The following RCOR1 variants were observed in gnomAD, a reference collection of about 807,000 sequenced individuals.
RCOR1 encodes the protein REST corepressor.
In RCOR1, 12 loss-of-function variants were observed where a neutral mutation model predicts 64.0. That is an observed-to-expected ratio of 0.19 (90% CI 0.12 to 0.30). The LOEUF is 0.30. Among genes scored for constraint, RCOR1 ranks in the 10% least tolerant of loss-of-function variants. The pLI, the probability that RCOR1 is intolerant of heterozygous loss-of-function variation, is 1.00. For synonymous variants in RCOR1, 279 were observed against 227.2 expected (o/e 1.23, Z -2.05); for missense variants, 502 against 621.2 (o/e 0.81, Z 2.04).
In RCOR1 at chr14:102,609,789, G is replaced by A. The variant is rs80192924; in HGVS notation, c.361+16464G>A. Among the ~76,000 whole-genome samples, 653 of 151,860 alleles carry A rather than the reference G, an allele frequency of 4.3e-3. 1 individual carries two copies. The highest frequency in any genetic ancestry group is 7.2e-3 in the Non-Finnish European group (488 of 67,960). On this transcript the variant is annotated intron_variant, in intron 2 of 11. Coordinates refer to ENST00000262241, the MANE Select transcript of RCOR1 (RefSeq NM_015156.4). Reference sequence around the variant, plus strand: ...GATGCTTAGAGTAGTGGAGTTACTCGATCCTTCCCTGTGGTGGAGGGTTGG... The same window carrying A: ...GATGCTTAGAGTAGTGGAGTTACTCAATCCTTCCCTGTGGTGGAGGGTTGG...
At chr14:102,624,782 A>T (rs1345873349) in intron 2 of RCOR1, among the ~76,000 whole-genome samples, 1 of 152,010 alleles carries the variant, frequency 6.6e-6, no homozygotes, top group Non-Finnish European at 1.5e-5. Context: ...AGAAAAAAAA[A>T]AAAAGCATTA....
rs1269890256 is a variant in RCOR1 at position 102,676,329 on chromosome 14, C to T, written c.362-5566C>T. Among the ~76,000 whole-genome samples the T allele has an allele frequency of 3.3e-4, 46 of 140,422 alleles. No homozygotes were observed. In the South Asian group the frequency reaches 4.7e-3, roughly 14 times the overall value. 92.1% of individuals were successfully genotyped at this position (140,422 alleles called of 152,430 possible). ...TCACCTCCCGGATGGGGCGGCTGGC[C>T]GGGCGGGGGGCTGACCCCCCCACCA... On this transcript the variant is annotated intron_variant, in intron 2 of 11. Transcript: ENST00000262241.
intron 3 of RCOR1, among the ~76,000 whole-genome samples, chr14:102,684,287 A>T (rs1895369820): frequency 6.6e-6 from 1 of 152,186 alleles, no homozygotes; most frequent in African/African-American, 2.4e-5. Context: ...ATTGAAGAGA[A>T]ATATCAAGAT....
chr14:102,722,502 A>G (rs1171789435), intron 11 of RCOR1, 86 bp downstream of exon 11: 5 of 1,084,886 alleles, frequency 4.6e-6, no homozygotes, highest in Non-Finnish European at 5.4e-6. Flanking sequence ...TTTCAGCTAT[A>G]GAGATTTTTA....
At chr14:102,631,322 C>T (rs1204827629) in intron 2 of RCOR1, among the ~76,000 whole-genome samples, 5 of 151,820 alleles carry the variant, frequency 3.3e-5, no homozygotes, top group African/African-American at 1.2e-4. Context: ...CCTGCCTCAG[C>T]CTCCCGAGTA....
intron 2 of RCOR1, among the ~76,000 whole-genome samples, chr14:102,624,349 T>C (rs1167896507): frequency 2.8e-5 from 4 of 145,124 alleles, no homozygotes; most frequent in African/African-American, 1.0e-4. Flanking sequence ...ACAAAAAATA[T>C]ACAAAAATTA....
intron 2 of RCOR1, among the ~76,000 whole-genome samples, chr14:102,673,550 T>C (rs1181044535): frequency 5.3e-5 from 8 of 152,088 alleles, no homozygotes; most frequent in Non-Finnish European, 1.0e-4. Context: ...TTAGCCAGGA[T>C]GGTCTCGATC....
At chr14:102,653,014 C>T (rs1035370267) in intron 2 of RCOR1, among the ~76,000 whole-genome samples, 1 of 152,042 alleles carries the variant, frequency 6.6e-6, no homozygotes, top group African/African-American at 2.4e-5. Context: ...CTCACTGCAA[C>T]CTCTATCTCC....
intron 2 of RCOR1, among the ~76,000 whole-genome samples, chr14:102,628,746 G>A (rs1346377632): frequency 6.6e-6 from 1 of 152,160 alleles, no homozygotes; most frequent in Non-Finnish European, 1.5e-5. Flanking sequence ...TAGAGACGGT[G>A]TTCCACCAAG....
At chr14:102,674,468 C>CT (rs548381530) in intron 2 of RCOR1, among the ~76,000 whole-genome samples, 137 of 152,110 alleles carry the variant, frequency 9.0e-4, no homozygotes, top group African/African-American at 3.3e-3. Flanking sequence ...TGTTCTTATT[C>CT]TTTTTTTTAA....
intron 3 of RCOR1, among the ~76,000 whole-genome samples, chr14:102,682,385 C>A (rs1038902719): frequency 1.2e-4 from 19 of 152,194 alleles, no homozygotes. Context: ...CTGCCATGGC[C>A]TCCCAAAATG....
At chr14:102,668,789 T>C (rs1294431671) in intron 2 of RCOR1, among the ~76,000 whole-genome samples, 1 of 152,214 alleles carries the variant, frequency 6.6e-6, no homozygotes, top group Admixed American at 6.5e-5. Flanking sequence ...AGAAAAAATC[T>C]GTTTAGCTTT....
intron 7 of RCOR1, 65 bp downstream of exon 7, chr14:102,711,078 T>TCA: frequency 1.0e-6 from 1 of 985,980 alleles, no homozygotes; most frequent in Non-Finnish European, 1.5e-6. Context: ...AAATAAAACA[T>TCA]TCATGTTGCT....
intron 2 of RCOR1, among the ~76,000 whole-genome samples, chr14:102,629,442 T>A (rs1041098006): frequency 6.9e-6 from 1 of 145,964 alleles, no homozygotes; most frequent in African/African-American, 2.6e-5. Flanking sequence ...CTTAACAGCC[T>A]CCCCCCCCCC....
At chr14:102,597,148 C>T (rs1191028777) in intron 2 of RCOR1, among the ~76,000 whole-genome samples, 2 of 152,234 alleles carry the variant, frequency 1.3e-5, no homozygotes, top group African/African-American at 4.8e-5. Flanking sequence ...GCTGGGATTA[C>T]AGGCGTGAGC....
At chr14:102,687,844 G>C (rs1164996827) in intron 3 of RCOR1, among the ~76,000 whole-genome samples, 1 of 152,134 alleles carries the variant, frequency 6.6e-6, no homozygotes, top group Non-Finnish European at 1.5e-5. Flanking sequence ...AGCTTTCCTA[G>C]GTAGAAACAA....
chr14:102,717,317 G>A (rs1896085347), intron 8 of RCOR1, among the ~76,000 whole-genome samples: 1 of 152,206 alleles, frequency 6.6e-6, no homozygotes, highest in Non-Finnish European at 1.5e-5. Context: ...AGGTCAAACA[G>A]TAGACCAACT....
In RCOR1 at chr14:102,637,024, T is replaced by C. The variant is rs187124049; in HGVS notation, c.361+43699T>C. Among the ~76,000 whole-genome samples, 183 of 152,302 alleles carry C rather than the reference T, an allele frequency of 1.2e-3. 2 individuals carry two copies. The highest frequency in any genetic ancestry group is 0.01 in the Admixed American group (153 of 15,290). On this transcript the variant is annotated intron_variant, in intron 2 of 11. Coordinates refer to ENST00000262241, the MANE Select transcript of RCOR1 (RefSeq NM_015156.4). ...CTCTTTGCATATTGAAGGAACTTACTAGCAAGCCTTTTGACATAGACTTTG... is the reference window on the plus strand; with the variant it reads ...CTCTTTGCATATTGAAGGAACTTACCAGCAAGCCTTTTGACATAGACTTTG...
In RCOR1 at chr14:102,708,391, C is replaced by T. The variant is rs1315438615; in HGVS notation, c.661-74C>T. The T allele has an allele frequency of 4.5e-5, 40 of 885,712 alleles. No homozygotes were observed. In the East Asian group the frequency reaches 5.7e-4, roughly 13 times the overall value. 54.9% of individuals were successfully genotyped at this position (885,712 alleles called of 1,614,324 possible). On this transcript the variant is annotated intron_variant, in intron 5 of 11. Coordinates refer to ENST00000262241, the MANE Select transcript of RCOR1 (RefSeq NM_015156.4). ...CTGGGATTACAGGCGTGAGCCGCTGCGCCCGGCCTTAAACATTTGATTTTT... is the reference window on the plus strand; with the variant it reads ...CTGGGATTACAGGCGTGAGCCGCTGTGCCCGGCCTTAAACATTTGATTTTT...
Sources: gnomAD v4.1 joint callset for allele counts (sites outside exome capture counted in the v4.1 genomes callset) on GRCh38, gnomAD v4.1.1 for gene constraint, MANE v1.5 for transcripts, NCBI Gene and HGNC (gene_info 2026-07-23, HGNC 2026-07-21) for gene names.